The following EHBP1 variants were observed in gnomAD, a reference collection of about 807,000 sequenced individuals.
The protein encoded by EHBP1 is EH domain binding protein 1, also known as EH domain-binding protein 1.
Under a neutral mutation model 144.0 loss-of-function variants are expected in EHBP1, and 55 were observed. The ratio of observed to expected loss-of-function variants is 0.38; its 90% CI spans 0.31 to 0.48. EHBP1 has a LOEUF of 0.48. Among genes scored for constraint, EHBP1 ranks in the 20% least tolerant of loss-of-function variants. EHBP1 has a pLI of 0.98. For missense variants in EHBP1, 1,200 were observed against 1,364.2 expected (o/e 0.88, Z 1.90); for synonymous variants, 469 against 472.7 (o/e 0.99, Z 0.10).
intron 7 of EHBP1, among the ~76,000 whole-genome samples, chr2:62,846,614 T>G (rs1411383430): frequency 6.6e-6 from 1 of 152,168 alleles, no homozygotes; most frequent in Non-Finnish European, 1.5e-5. Context: ...CCATTCAACA[T>G]TATATTTGAA....
At chr2:62,819,160 C>T (rs1166059617) in intron 5 of EHBP1, among the ~76,000 whole-genome samples, 2 of 152,110 alleles carry the variant, frequency 1.3e-5, no homozygotes, top group Admixed American at 6.6e-5. Context: ...AAGTACATCA[C>T]GACCTGGTTG....
chr2:62,989,669 G>A (rs1048043401), intron 15 of EHBP1, among the ~76,000 whole-genome samples: 5 of 152,104 alleles, frequency 3.3e-5, no homozygotes, highest in Non-Finnish European at 5.9e-5. Flanking sequence ...CATGGAAGTA[G>A]ACAGGCCTCC....
intron 1 of EHBP1, among the ~76,000 whole-genome samples, chr2:62,693,093 A>G (rs959885652): frequency 6.6e-6 from 1 of 152,086 alleles, no homozygotes; most frequent in African/African-American, 2.4e-5. Context: ...GCTCCCATAG[A>G]TAAGTGAAAA....
intron 10 of EHBP1, among the ~76,000 whole-genome samples, chr2:62,887,821 G>A (rs922397264): frequency 6.6e-6 from 1 of 152,058 alleles, no homozygotes; most frequent in Non-Finnish European, 1.5e-5. Context: ...CCATAAAGAA[G>A]TTTAGGTACA....
upstream of EHBP1, among the ~76,000 whole-genome samples, chr2:62,702,654 G>A (rs1416521255): frequency 2.0e-5 from 3 of 152,310 alleles, no homozygotes; most frequent in Middle Eastern, 3.4e-3. Flanking sequence ...GAATTAATGG[G>A]AGATAAATAA....
chr2:63,011,729 C>G (rs1290923177), intron 19 of EHBP1, among the ~76,000 whole-genome samples: 16 of 151,964 alleles, frequency 1.1e-4, no homozygotes, highest in Non-Finnish European at 1.8e-4. Flanking sequence ...TAAAGCTGGA[C>G]TTAAACATTC....
At chr2:62,716,782 G>C (rs568271979) in intron 2 of EHBP1, among the ~76,000 whole-genome samples, 1 of 152,156 alleles carries the variant, frequency 6.6e-6, no homozygotes, top group Non-Finnish European at 1.5e-5. Flanking sequence ...TCTTCCCGAG[G>C]CCCTTTGCTC....
intron 2 of EHBP1, among the ~76,000 whole-genome samples, chr2:62,733,683 G>T (rs2037830933): frequency 6.6e-6 from 1 of 152,134 alleles, no homozygotes; most frequent in Non-Finnish European, 1.5e-5. Flanking sequence ...TTTCAAAGTG[G>T]CTACTTTTTC....
intron 7 of EHBP1, among the ~76,000 whole-genome samples, chr2:62,837,855 C>G (rs2047419068): frequency 6.6e-6 from 1 of 150,776 alleles, no homozygotes; most frequent in Non-Finnish European, 1.5e-5. Context: ...CCTGAGTGAC[C>G]TACAAAGAGA....
intron 7 of EHBP1, among the ~76,000 whole-genome samples, chr2:62,850,876 C>T: frequency 6.6e-6 from 1 of 152,058 alleles, no homozygotes; most frequent in East Asian, 1.9e-4. Context: ...AGGAGAAATA[C>T]ATAACAAAAT....
chr2:62,738,912 G>C (rs1269165790), intron 2 of EHBP1, among the ~76,000 whole-genome samples: 1 of 151,984 alleles, frequency 6.6e-6, no homozygotes, highest in Non-Finnish European at 1.5e-5. Context: ...TTTTTAGCCT[G>C]TTTTCTGTCA....
At chr2:62,932,321 C>G (rs566245896) in intron 10 of EHBP1, among the ~76,000 whole-genome samples, 1 of 152,088 alleles carries the variant, frequency 6.6e-6, no homozygotes, top group South Asian at 2.1e-4. Context: ...GGAAGCATTC[C>G]AAATGTCCAT....
upstream of EHBP1, among the ~76,000 whole-genome samples, chr2:62,705,481 C>G (rs987926439): frequency 5.3e-5 from 8 of 151,952 alleles, no homozygotes; most frequent in Non-Finnish European, 1.0e-4. Context: ...CGTCCTTAGT[C>G]GGTTCCTTCT....
Position 62,751,373 on chromosome 2 carries a change from G to A in EHBP1, c.162+3921G>A, listed in dbSNP as rs556992154. ...TGGATAAGCTTTTTGATGTGCTGCT[G>A]GATTTGGTTTGCCAGTATTTTATTG... On this transcript the variant is annotated intron_variant, in intron 3 of 22. Transcript: ENST00000431489. Among the ~76,000 whole-genome samples the A allele has an allele frequency of 3.3e-5, 5 of 152,288 alleles. No homozygotes were observed. The South Asian group carries it at 1.0e-3, about 32-fold the overall frequency.
intron 2 of EHBP1, among the ~76,000 whole-genome samples, chr2:62,744,462 T>A (rs1484674351): frequency 6.6e-6 from 1 of 152,116 alleles, no homozygotes; most frequent in African/African-American, 2.4e-5. Flanking sequence ...AGTGATGTGG[T>A]TCTTGGTGCC....
chr2:63,019,602 G>A (rs1378532539), intron 19 of EHBP1, among the ~76,000 whole-genome samples: 1 of 151,840 alleles, frequency 6.6e-6, no homozygotes, highest in East Asian at 1.9e-4. Flanking sequence ...AGCTACTCGG[G>A]AGGCTGAGGC....
chr2:62,754,580 G>C (rs1025513903), intron 3 of EHBP1, among the ~76,000 whole-genome samples: 1 of 152,228 alleles, frequency 6.6e-6, no homozygotes, highest in African/African-American at 2.4e-5. Context: ...GCTATGCCCT[G>C]CCTCCAGAGG....
chr2:62,844,295 A>G (rs932750357), intron 7 of EHBP1, among the ~76,000 whole-genome samples: 11 of 152,312 alleles, frequency 7.2e-5, no homozygotes, highest in African/African-American at 2.6e-4. Context: ...GTTCTGAGAC[A>G]GACTCCCCTG....
rs761952036 is a variant in EHBP1 at position 62,898,447 on chromosome 2, GTAAA to G, written c.1185+23920_1185+23923del. Among the ~76,000 whole-genome samples the G allele has an allele frequency of 3.5e-4, 54 of 152,236 alleles. 1 individual carries two copies. Among genetic ancestry groups the G allele is most frequent in the Non-Finnish European group, 7.4e-4 (50 of 68,012 alleles). ...ATGTATATATTATCTTTCACAGTAAGTAAATAAAAATTTTAAACTTGGCATACCT... is the reference window on the plus strand; with the variant it reads ...ATGTATATATTATCTTTCACAGTAAGTAAAAATTTTAAACTTGGCATACCT... On this transcript the variant is annotated intron_variant, in intron 10 of 22. Transcript: ENST00000431489.
Sources: allele counts gnomAD v4.1 joint callset (sites outside exome capture counted in the v4.1 genomes callset), GRCh38; gene constraint gnomAD v4.1.1; transcripts MANE v1.5; gene names NCBI Gene and HGNC (gene_info 2026-07-23, HGNC 2026-07-21).